Variants in TTC23L observed in about 807,000 individuals in gnomAD.
TTC23L encodes tetratricopeptide repeat domain 23 like.
Under a neutral mutation model 48.1 loss-of-function variants are expected in TTC23L, and 42 were observed. The ratio of observed to expected loss-of-function variants is 0.87; its 90% CI spans 0.68 to 1.13. The LOEUF is 1.13. Ranked by LOEUF, TTC23L falls within the 50% of genes most tolerant of loss-of-function variation. TTC23L has a pLI of 0.00. For synonymous variants in TTC23L, 159 were observed against 157.2 expected, an observed-to-expected ratio of 1.01 and a Z score of -0.09; for missense variants, 391 against 421.0, an observed-to-expected ratio of 0.93 and a Z score of 0.62.
intron 8 of TTC23L, among the ~76,000 whole-genome samples, chr5:34,877,442 A>G (rs1406010059): frequency 7.6e-6 from 1 of 131,016 alleles, no homozygotes; most frequent in Non-Finnish European, 1.6e-5. Context: ...TCTTTTTTTG[A>G]GACAGAGTTT....
At chr5:34,887,065 G>A (rs984793958) in intron 9 of TTC23L, among the ~76,000 whole-genome samples, 3 of 152,188 alleles carry the variant, frequency 2.0e-5, no homozygotes, top group African/African-American at 4.8e-5. Flanking sequence ...GGAAAAGTTG[G>A]TAAAGATCAA....
intron 4 of TTC23L, among the ~76,000 whole-genome samples, chr5:34,862,649 T>C (rs1206614987): frequency 6.6e-6 from 1 of 152,144 alleles, no homozygotes; most frequent in Non-Finnish European, 1.5e-5. Context: ...TGGTGCAGAT[T>C]AAAATTAGAG....
chr5:34,871,920 T>C (rs1761494648), intron 8 of TTC23L, among the ~76,000 whole-genome samples: 1 of 152,156 alleles, frequency 6.6e-6, no homozygotes, highest in South Asian at 2.1e-4. Flanking sequence ...CTCTTACTCA[T>C]GCCATACACA....
At chr5:34,919,761 G>A in the TTC23L span, 3 of 453,676 alleles carry the variant, frequency 6.6e-6, no homozygotes. Context: ...TTATTTTCTG[G>A]ATAGCATATG....
chr5:34,855,307 C>T lies in TTC23L; in HGVS notation c.379+4999C>T, dbSNP rs1241567683. 2.0e-5 allele frequency among the ~76,000 whole-genome samples: 3 copies of T among 151,930 alleles called. No homozygotes were observed. The East Asian group carries it at 5.8e-4, about 29-fold the overall frequency. ...GCAGGCCATGGTGTGGTTTTAAATA[C>T]AGGCTAAGGAATTTGTAATTTATTT... On this transcript the variant is annotated intron_variant, in intron 4 of 10. Coordinates refer to ENST00000505624, the Ensembl canonical transcript of TTC23L.
At chr5:34,885,677 G>A (rs1762497447) in intron 9 of TTC23L, among the ~76,000 whole-genome samples, 1 of 151,918 alleles carries the variant, frequency 6.6e-6, no homozygotes, top group Admixed American at 6.6e-5. Flanking sequence ...GAGCCTGGGA[G>A]GTCAAGGCTA....
At chr5:34,914,900 T>A in the TTC23L span, 21 of 1,613,778 alleles carry the variant, frequency 1.3e-5, no homozygotes, top group South Asian at 2.2e-4. Context: ...CATCGTCCAC[T>A]GCGCATTCGG....
the TTC23L span, chr5:34,914,845 G>A: frequency 6.2e-7 from 1 of 1,614,156 alleles, no homozygotes; most frequent in East Asian, 2.2e-5. Context: ...TGGCCACAAG[G>A]CTGTACTGAT....
the TTC23L span, chr5:34,923,274 T>A: frequency 2.1e-6 from 3 of 1,396,832 alleles, no homozygotes; most frequent in Non-Finnish European, 3.0e-6. Context: ...TTTTTTTTAA[T>A]TGAGTTTATT....
At chr5:34,899,525 TA>T (rs1763431098), downstream of TTC23L, 1 of 152,610 alleles carries the variant, frequency 6.6e-6, no homozygotes. Context: ...AACGGTTTTT[TA>T]TTAAGGACTC....
chr5:34,908,922 G>C, the TTC23L span: 1 of 1,608,368 alleles, frequency 6.2e-7, no homozygotes, highest in Non-Finnish European at 8.5e-7. Context: ...TGCCTTTGTA[G>C]AGGGTTTCAG....
At chr5:34,840,626 C>G in intron 1 of TTC23L, 39 bp from the exon 2 acceptor site, 1 of 1,565,406 alleles carries the variant, frequency 6.4e-7, no homozygotes, top group East Asian at 2.2e-5. Flanking sequence ...AGACACCCAG[C>G]CTTTTCTCTC....
At chr5:34,908,012 C>T in the TTC23L span, 1 of 152,218 alleles carries the variant, frequency 6.6e-6, no homozygotes, top group Non-Finnish European at 1.5e-5. Context: ...GCAGGCCATT[C>T]TGATGTTGGT....
chr5:34,873,655 TGTGA>T (rs1395895950), intron 8 of TTC23L, among the ~76,000 whole-genome samples: 1 of 152,182 alleles, frequency 6.6e-6, no homozygotes, highest in Non-Finnish European at 1.5e-5. Flanking sequence ...TTCTGGTTGG[TGTGA>T]GTGGCATCAG....
chr5:34,922,335 G>A, the TTC23L span: 1 of 1,209,620 alleles, frequency 8.3e-7, no homozygotes, highest in Non-Finnish European at 1.2e-6. Context: ...AAGTGGATTT[G>A]TTCTTTGTAC....
At chr5:34,922,524 C>T in the TTC23L span, 6 of 1,574,212 alleles carry the variant, frequency 3.8e-6, no homozygotes, top group Admixed American at 3.3e-5. Flanking sequence ...AAAAAGCTTA[C>T]TCCATATCTT....
intron 1 of TTC23L, among the ~76,000 whole-genome samples, chr5:34,840,351 CTGAGT>C (rs1758546964): frequency 6.7e-6 from 1 of 150,362 alleles, no homozygotes; most frequent in African/African-American, 2.5e-5. Context: ...AAAACAATAT[CTGAGT>C]TAAGTAGGTG....
chr5:34,859,840 C>CTTTTT (rs10590697), intron 4 of TTC23L, among the ~76,000 whole-genome samples: 166 of 95,234 alleles, frequency 1.7e-3, no homozygotes, highest in Middle Eastern at 9.3e-3. Context: ...TTTTCTTCTT[C>CTTTTT]TTTTTTTTTT....
At chr5:34,864,652 A>C (rs115182379) in intron 6 of TTC23L, 90 bp downstream of exon 6, 16,101 of 1,425,886 alleles carry the variant, frequency 0.011, 88 homozygotes, top group African/African-American at 0.014. Context: ...GAGCAAAAAA[A>C]CCCAGAAACT....
Sources: allele counts gnomAD v4.1 joint callset (sites outside exome capture counted in the v4.1 genomes callset), GRCh38; gene constraint gnomAD v4.1.1; transcripts MANE v1.5; gene names NCBI Gene and HGNC (gene_info 2026-07-23, HGNC 2026-07-21).